Variants in CCDC178 observed in about 807,000 individuals in gnomAD.
CCDC178 encodes coiled-coil domain-containing protein 178.
A neutral mutation model predicts 117.4 loss-of-function variants in CCDC178; 126 were observed. The ratio of observed to expected loss-of-function variants is 1.07; its 90% CI spans 0.93 to 1.24. The LOEUF is 1.24. Ranked by LOEUF, CCDC178 falls within the 50% of genes most tolerant of loss-of-function variation. CCDC178 has a pLI of 0.00. For missense variants in CCDC178, 1,030 were observed against 986.9 expected, an observed-to-expected ratio of 1.04 and a Z score of -0.59; for synonymous variants, 283 against 313.4, an observed-to-expected ratio of 0.90 and a Z score of 1.02.
chr18:33,274,751 T>C (rs1263166433), intron 12 of CCDC178, among the ~76,000 whole-genome samples: 3 of 151,948 alleles, frequency 2.0e-5, no homozygotes, highest in Non-Finnish European at 4.4e-5. Flanking sequence ...AATGAAAAAA[T>C]ATACATGAAA....
intron 19 of CCDC178, 70 bp downstream of exon 19, chr18:33,215,480 T>C (rs117839804): frequency 0.024 from 21,059 of 880,448 alleles, 329 homozygotes; most frequent in Non-Finnish European, 0.028. Context: ...GCATTTTAAA[T>C]ATGGAAATTT....
intron 12 of CCDC178, among the ~76,000 whole-genome samples, chr18:33,288,392 C>T (rs1427797139): frequency 9.4e-6 from 1 of 106,372 alleles, no homozygotes; most frequent in East Asian, 3.2e-4. Flanking sequence ...CCTCTCCCCC[C>T]CTCCCCTTCC....
At chr18:33,410,286 T>A (rs936192174) in intron 3 of CCDC178, among the ~76,000 whole-genome samples, 1 of 152,222 alleles carries the variant, frequency 6.6e-6, no homozygotes, top group African/African-American at 2.4e-5. Flanking sequence ...GTTACACACC[T>A]GTATGATTCT....
At chr18:33,326,872 C>T (rs981534093) in intron 10 of CCDC178, among the ~76,000 whole-genome samples, 1 of 151,824 alleles carries the variant, frequency 6.6e-6, no homozygotes, top group Non-Finnish European at 1.5e-5. Flanking sequence ...GTATAGCAGA[C>T]TCCCTTTGCG....
chr18:32,956,891 G>A (rs2054606745), intron 22 of CCDC178: 1 of 152,198 alleles, frequency 6.6e-6, no homozygotes, highest in Non-Finnish European at 1.5e-5. Context: ...AAGAAAAGAT[G>A]AGGGGAGGCA....
chr18:33,163,859 A>G (rs1011773913), intron 20 of CCDC178, among the ~76,000 whole-genome samples: 2 of 152,176 alleles, frequency 1.3e-5, no homozygotes, highest in Non-Finnish European at 2.9e-5. Flanking sequence ...AATTTTTCCA[A>G]TCATATTGCA....
intron 12 of CCDC178, among the ~76,000 whole-genome samples, chr18:33,271,035 C>A (rs2059882175): frequency 6.6e-6 from 1 of 151,168 alleles, no homozygotes; most frequent in Admixed American, 6.6e-5. Flanking sequence ...TAGTATTAAT[C>A]CAAAATAATT....
At chr18:33,335,115 T>C (rs1167449690) in intron 9 of CCDC178, among the ~76,000 whole-genome samples, 8 of 151,980 alleles carry the variant, frequency 5.3e-5, no homozygotes, top group Non-Finnish European at 1.0e-4. Context: ...TCTTCTGCAT[T>C]ACGTATTTTT....
intron 20 of CCDC178, among the ~76,000 whole-genome samples, chr18:33,152,129 G>T (rs2058348315): frequency 6.6e-6 from 1 of 152,010 alleles, no homozygotes; most frequent in African/African-American, 2.4e-5. Flanking sequence ...AAGGAGGAAA[G>T]GAGTGAAGAG....
chr18:33,297,117 A>G (rs1277570548), intron 11 of CCDC178, among the ~76,000 whole-genome samples: 1 of 152,138 alleles, frequency 6.6e-6, no homozygotes, highest in Non-Finnish European at 1.5e-5. Flanking sequence ...AATTAAAAAT[A>G]CAATTAAAGA....
chr18:32,968,249 T>G (rs1198968482), intron 22 of CCDC178, among the ~76,000 whole-genome samples: 1 of 152,040 alleles, frequency 6.6e-6, no homozygotes, highest in East Asian at 1.9e-4. Flanking sequence ...TGTGGTTATT[T>G]CACTTTCTGT....
chr18:33,328,808 T>C (rs1278606865), intron 10 of CCDC178, among the ~76,000 whole-genome samples: 1 of 152,114 alleles, frequency 6.6e-6, no homozygotes, highest in East Asian at 1.9e-4. Context: ...TCCATGTAAA[T>C]ATTAGGGTAG....
At chr18:33,394,939 A>ATG (rs1302202346) in intron 4 of CCDC178, among the ~76,000 whole-genome samples, 824 of 76,054 alleles carry the variant, frequency 0.011, 12 homozygotes, top group African/African-American at 0.028. Flanking sequence ...CTGTATATGT[A>ATG]TGTGTATATA....
At chr18:33,350,262 G>A (rs1259302817) in intron 7 of CCDC178, among the ~76,000 whole-genome samples, 2 of 151,846 alleles carry the variant, frequency 1.3e-5, no homozygotes, top group Non-Finnish European at 2.9e-5. Context: ...AAAATTCTAT[G>A]CTAATTTTTC....
intron 20 of CCDC178, among the ~76,000 whole-genome samples, chr18:33,168,460 A>G (rs1046581037): frequency 2.0e-5 from 3 of 152,178 alleles, no homozygotes; most frequent in African/African-American, 4.8e-5. Context: ...TCTTTGTAGC[A>G]GTAGAGAAAA....
intron 2 of CCDC178, among the ~76,000 whole-genome samples, chr18:33,438,324 T>C (rs1417263785): frequency 6.6e-6 from 1 of 152,072 alleles, no homozygotes; most frequent in African/African-American, 2.4e-5. Flanking sequence ...ACCTGAAGCT[T>C]TATAGCTTCC....
At chr18:33,330,248 A>G (rs1181758335) in intron 10 of CCDC178, among the ~76,000 whole-genome samples, 1 of 152,072 alleles carries the variant, frequency 6.6e-6, no homozygotes, top group Admixed American at 6.6e-5. Flanking sequence ...CTTTTCTTCT[A>G]CCTTATATTA....
chr18:33,280,028 G>A (rs1244524539), intron 12 of CCDC178, among the ~76,000 whole-genome samples: 12 of 150,996 alleles, frequency 7.9e-5, no homozygotes, highest in African/African-American at 2.9e-4. Flanking sequence ...TTACCATTCA[G>A]GACATAGGCA....
upstream of CCDC178, chr18:33,440,978 A>C (rs2145005210): frequency 6.6e-6 from 1 of 152,424 alleles, no homozygotes; most frequent in East Asian, 1.9e-4. Flanking sequence ...GAGACGAGTC[A>C]ACGCCCCTTC....
Sources: gnomAD v4.1 joint callset for allele counts (sites outside exome capture counted in the v4.1 genomes callset) on GRCh38, gnomAD v4.1.1 for gene constraint, MANE v1.5 for transcripts, NCBI Gene and HGNC (gene_info 2026-07-23, HGNC 2026-07-21) for gene names.